The following OPCML variants were observed in gnomAD, a reference collection of about 807,000 sequenced individuals.
The protein encoded by OPCML is opioid-binding protein/cell adhesion molecule.
A neutral mutation model predicts 37.8 loss-of-function variants in OPCML; 13 were observed. The observed-to-expected ratio is 0.34, with a 90% CI of 0.22 to 0.55. OPCML has a LOEUF of 0.55. Ranked by LOEUF, OPCML falls within the 20% of genes least tolerant of loss-of-function variation. The probability of loss-of-function intolerance (pLI) is 0.91; values close to 1 mark genes in which losing one functional copy is unlikely to be tolerated. For missense variants in OPCML, 341 were observed against 435.6 expected, an observed-to-expected ratio of 0.78 and a Z score of 1.93; for synonymous variants, 176 against 168.8, an observed-to-expected ratio of 1.04 and a Z score of -0.33.
At chr11:132,536,624 A>G (rs1314512560) in intron 3 of OPCML, among the ~76,000 whole-genome samples, 1 of 152,210 alleles carries the variant, frequency 6.6e-6, no homozygotes, top group African/African-American at 2.4e-5. Context: ...TAAACACTCA[A>G]GGCTATTTTA....
intron 1 of OPCML, among the ~76,000 whole-genome samples, chr11:133,072,043 C>T (rs1173242854): frequency 6.6e-6 from 1 of 152,290 alleles, no homozygotes; most frequent in Non-Finnish European, 1.5e-5. Context: ...AAAGGATCAT[C>T]GTGCACTTGT....
chr11:132,649,228 C>T lies in OPCML; in HGVS notation c.379+7859G>A, dbSNP rs546181582. ...CAGAACAAAGCCCCACATGTATCTT[C>T]ACAACAGTGGGAGAAAAGGCCTGAT... On this transcript the variant is annotated intron_variant, in intron 3 of 7. Coordinates refer to ENST00000524381, the MANE Select transcript of OPCML (RefSeq NM_001012393.5). Among the ~76,000 whole-genome samples, 3 of 152,244 alleles carry T rather than the reference C, an allele frequency of 2.0e-5. No homozygotes were observed. The East Asian group carries it at 5.8e-4, about 29-fold the overall frequency.
At chr11:133,522,941 G>A (rs1263101246) in intron 1 of OPCML, among the ~76,000 whole-genome samples, 1 of 152,068 alleles carries the variant, frequency 6.6e-6, no homozygotes. Context: ...CTAGGCGGTG[G>A]GCCATGTGGA....
chr11:133,447,968 T>C (rs993693211), intron 1 of OPCML, among the ~76,000 whole-genome samples: 10 of 152,252 alleles, frequency 6.6e-5, no homozygotes, highest in Non-Finnish European at 1.5e-4. Context: ...GTTTTAAATG[T>C]TGGCTTTCAG....
chr11:133,519,604 C>T (rs1948358958), intron 1 of OPCML, among the ~76,000 whole-genome samples: 1 of 152,212 alleles, frequency 6.6e-6, no homozygotes, highest in African/African-American at 2.4e-5. Flanking sequence ...TCCTTGATTT[C>T]TCCCATCTCC....
At chr11:132,689,343 T>G (rs1335642334) in intron 2 of OPCML, among the ~76,000 whole-genome samples, 3 of 152,226 alleles carry the variant, frequency 2.0e-5, no homozygotes, top group African/African-American at 7.2e-5. Context: ...CAAAAATGTT[T>G]GGATGACTGA....
chr11:133,471,685 C>T (rs899152899), intron 1 of OPCML, among the ~76,000 whole-genome samples: 8 of 152,072 alleles, frequency 5.3e-5, no homozygotes, highest in African/African-American at 7.2e-5. Flanking sequence ...GCATATTTTA[C>T]GGACTACTTG....
chr11:132,810,878 C>G (rs917126907), intron 2 of OPCML: 1 of 152,198 alleles, frequency 6.6e-6, no homozygotes, highest in African/African-American at 2.4e-5. Context: ...TCAGTTCAGG[C>G]CAGCTCCTTG....
chr11:132,552,579 T>C (rs926285231), intron 3 of OPCML, among the ~76,000 whole-genome samples: 9 of 152,152 alleles, frequency 5.9e-5, no homozygotes. Context: ...CAGAGACATA[T>C]GGAGATAACC....
At chr11:133,410,715 C>T (rs1029712217) in intron 1 of OPCML, among the ~76,000 whole-genome samples, 3 of 119,334 alleles carry the variant, frequency 2.5e-5, no homozygotes, top group Admixed American at 1.1e-4. Context: ...TGCTGGGAGA[C>T]AAAGCAAGCA....
intron 1 of OPCML, chr11:133,068,049 GCTT>G (rs1358198257): frequency 6.6e-6 from 1 of 152,008 alleles, no homozygotes; most frequent in African/African-American, 2.4e-5. Flanking sequence ...TTATTTATAT[GCTT>G]CTTTTTAGGC....
intron 4 of OPCML, among the ~76,000 whole-genome samples, chr11:132,491,486 C>A (rs975450744): frequency 6.6e-6 from 1 of 152,202 alleles, no homozygotes; most frequent in Non-Finnish European, 1.5e-5. Flanking sequence ...ACTTGTTGCA[C>A]GGACCACCTC....
In OPCML at chr11:133,451,288, G is replaced by A. The variant is rs1013707680; in HGVS notation, c.61+80976C>T. Among the ~76,000 whole-genome samples, 11 of 151,764 alleles carry A rather than the reference G, an allele frequency of 7.2e-5. 1 individual carries two copies. Among genetic ancestry groups the A allele is most frequent in the African/African-American group, 2.7e-4 (11 of 41,036 alleles). The stretch of plus-strand genomic sequence containing the variant: ...AAGGTACTGCAAACAAACAAAAGCA[G>A]GGAAATGCTGAGGAAAATTTACACT... On this transcript the variant is annotated intron_variant, in intron 1 of 7. Transcript: ENST00000524381.
chr11:132,879,389 A>G (rs1329491276), intron 2 of OPCML, among the ~76,000 whole-genome samples: 2 of 152,234 alleles, frequency 1.3e-5, no homozygotes, highest in Admixed American at 6.5e-5. Context: ...TCAGAAATCA[A>G]TGAGTTAAAG....
intron 4 of OPCML, among the ~76,000 whole-genome samples, chr11:132,520,860 T>C (rs2096291525): frequency 1.3e-5 from 2 of 152,258 alleles, no homozygotes; most frequent in Non-Finnish European, 2.9e-5. Flanking sequence ...GTCTTTATAG[T>C]AGAATGATTT....
intron 1 of OPCML, among the ~76,000 whole-genome samples, chr11:133,140,940 A>C (rs1296334793): frequency 0.12 from 1,911 of 16,122 alleles, 708 homozygotes; most frequent in East Asian, 0.5. Context: ...ACGAAGAAGA[A>C]GAAGACGACG....
chr11:133,120,245 C>T (rs1034075915), intron 1 of OPCML, among the ~76,000 whole-genome samples: 28 of 152,140 alleles, frequency 1.8e-4, no homozygotes, highest in African/African-American at 5.6e-4. Context: ...CATACACACA[C>T]GCACACACAT....
chr11:133,349,927 C>T (rs1448072086), intron 1 of OPCML, among the ~76,000 whole-genome samples: 2 of 152,214 alleles, frequency 1.3e-5, no homozygotes, highest in Admixed American at 6.5e-5. Context: ...ATCAACTTTT[C>T]ATTGAAACAC....
chr11:132,441,950 C>T (rs1207483331), intron 4 of OPCML, among the ~76,000 whole-genome samples: 1 of 152,128 alleles, frequency 6.6e-6, no homozygotes, highest in African/African-American at 2.4e-5. Flanking sequence ...CATCCACAAG[C>T]AGGGTCTGTT....
Sources: allele counts gnomAD v4.1 joint callset (sites outside exome capture counted in the v4.1 genomes callset), GRCh38; gene constraint gnomAD v4.1.1; transcripts MANE v1.5; gene names NCBI Gene and HGNC (gene_info 2026-07-23, HGNC 2026-07-21).